The following ACAP2 variants were observed in gnomAD, a reference collection of about 807,000 sequenced individuals.
ACAP2 encodes ArfGAP with coiled-coil, ankyrin repeat and PH domains 2.
Under a neutral mutation model 115.8 loss-of-function variants are expected in ACAP2, and 39 were observed. The ratio of observed to expected loss-of-function variants is 0.34; its 90% CI spans 0.26 to 0.44. ACAP2 has a LOEUF of 0.44. Ranked by LOEUF, ACAP2 falls within the 20% of genes least tolerant of loss-of-function variation. The pLI is 1.00. For missense variants in ACAP2, 662 were observed against 927.6 expected, an observed-to-expected ratio of 0.71 and a Z score of 3.72; for synonymous variants, 289 against 315.8, an observed-to-expected ratio of 0.92 and a Z score of 0.90.
intron 4 of ACAP2, among the ~76,000 whole-genome samples, chr3:195,377,498 A>G (rs1240539335): frequency 2.0e-5 from 3 of 152,124 alleles, no homozygotes; most frequent in African/African-American, 7.2e-5. Context: ...CTAAAATGAG[A>G]GTTATGTAAC....
At position 195,337,344 on chromosome 3, in the gene ACAP2, A is replaced by T. The variant is rs1577321468; in HGVS notation, c.529-368T>A. On this transcript the variant is annotated intron_variant, in intron 6 of 22. Coordinates refer to ENST00000326793, the MANE Select transcript of ACAP2 (RefSeq NM_012287.6). Reference sequence around the variant, plus strand: ...TTCTCAGCACTTTACCACTACCACCATCATGTCTTTTCCAGACTGCTGCAA... The same window carrying T: ...TTCTCAGCACTTTACCACTACCACCTTCATGTCTTTTCCAGACTGCTGCAA... Among the ~76,000 whole-genome samples, 3 of 151,882 alleles carry T rather than the reference A, an allele frequency of 2.0e-5. No individual in the cohort carries two copies. In the South Asian group the frequency reaches 6.2e-4, roughly 32 times the overall value.
Position 195,325,994 on chromosome 3 carries a change from C to T in ACAP2, c.744+891G>A, listed in dbSNP as rs529029003. Among the ~76,000 whole-genome samples, 5 of 152,234 alleles carry T rather than the reference C, an allele frequency of 3.3e-5. No homozygotes were observed. The South Asian group carries it at 1.0e-3, about 32-fold the overall frequency. On this transcript the variant is annotated intron_variant, in intron 9 of 22. Transcript: ENST00000326793. ...TTTCCTTTAATTATTTTTCTTTGAG[C>T]ATTAATAATCCATCATCAATTAAAT...
chr3:195,415,983 A>G (rs967385536), intron 1 of ACAP2, among the ~76,000 whole-genome samples: 2 of 152,164 alleles, frequency 1.3e-5, no homozygotes, highest in African/African-American at 4.8e-5. Flanking sequence ...AGGCCAATAG[A>G]AAAATAAGAA....
At chr3:195,418,214 A>C (rs1342197628) in intron 1 of ACAP2, among the ~76,000 whole-genome samples, 2 of 152,162 alleles carry the variant, frequency 1.3e-5, no homozygotes, top group Non-Finnish European at 2.9e-5. Context: ...CCTTACCTTA[A>C]GAAGCTTTCC....
In ACAP2 at chr3:195,443,008, G is replaced by A. The variant is rs1387939155; in HGVS notation, c.-161C>T. On this transcript the variant is annotated 5_prime_UTR_variant, in exon 1 of 23. Transcript: ENST00000326793. ...TGGTCATAGCAGCCGCGAAGACGGC[G>A]ACGACTAGTCAGGCCCCAGTCCCGC... 4 of 569,464 alleles carry A rather than the reference G, an allele frequency of 7.0e-6. No individual in the cohort carries two copies. Among genetic ancestry groups the A allele is most frequent in the Non-Finnish European group, 1.2e-5 (4 of 345,944 alleles). The allele number at this position is 569,464 out of a possible 1,614,324, so 35.3% of individuals were successfully genotyped here.
intron 4 of ACAP2, among the ~76,000 whole-genome samples, chr3:195,375,425 A>C (rs1404602177): frequency 6.6e-6 from 1 of 151,096 alleles, no homozygotes; most frequent in African/African-American, 2.4e-5. Context: ...CTTGTGAAAC[A>C]CTGAAACTAC....
chr3:195,323,757 G>A (rs931987523), intron 9 of ACAP2, among the ~76,000 whole-genome samples: 7 of 152,050 alleles, frequency 4.6e-5, no homozygotes, highest in Non-Finnish European at 1.0e-4. Flanking sequence ...CCAGAGGCTG[G>A]GAGTGGTGGT....
rs562977182 is a variant in ACAP2, at chr3:195,293,744, G to A, written c.1765+975C>T. ...GTAACCCAGCTACTTGGGAGGCTGA[G>A]TAGGAGAACTGCGTGAACAGAAGGT... On this transcript the variant is annotated intron_variant, in intron 18 of 22. Transcript: ENST00000326793. Among the ~76,000 whole-genome samples the A allele has an allele frequency of 1.2e-4, 19 of 152,264 alleles. No individual in the cohort carries two copies. In the South Asian group the frequency reaches 3.3e-3, roughly 27 times the overall value.
intron 6 of ACAP2, among the ~76,000 whole-genome samples, chr3:195,341,425 C>T (rs1184812236): frequency 6.8e-6 from 1 of 146,704 alleles, no homozygotes; most frequent in Non-Finnish European, 1.5e-5. Context: ...CCTGGGTTCA[C>T]GCCATTCTCC....
chr3:195,344,001 G>C (rs887780430), intron 5 of ACAP2, among the ~76,000 whole-genome samples: 3 of 152,130 alleles, frequency 2.0e-5, no homozygotes, highest in Admixed American at 1.3e-4. Context: ...TTGAGGCCAG[G>C]AGTTTGAGAC....
At chr3:195,364,457 G>A (rs991704290) in intron 4 of ACAP2, among the ~76,000 whole-genome samples, 1 of 152,124 alleles carries the variant, frequency 6.6e-6, no homozygotes, top group African/African-American at 2.4e-5. Context: ...TGTAATCCCA[G>A]CACTTAGGGA....
At chr3:195,287,761 G>C (rs889091746) in intron 21 of ACAP2, among the ~76,000 whole-genome samples, 1 of 152,098 alleles carries the variant, frequency 6.6e-6, no homozygotes, top group Admixed American at 6.6e-5. Flanking sequence ...ATAATTATCT[G>C]TTAGTCTAAC....
At position 195,351,473 on chromosome 3, in the gene ACAP2, T is replaced by C. The variant is rs1017548937; in HGVS notation, c.286-6156A>G. ...GTGTGTGTGTGTGTGTGTGTGTGTG[T>C]GTGTGTGTGTGTGACGGAGTCTTGC... is the stretch of plus-strand genomic sequence containing the variant. On this transcript the variant is annotated intron_variant, in intron 4 of 22. Coordinates refer to ENST00000326793, the MANE Select transcript of ACAP2 (RefSeq NM_012287.6). Among the ~76,000 whole-genome samples the C allele has an allele frequency of 2.5e-4, 32 of 130,394 alleles. 1 individual carries two copies. In the East Asian group the frequency reaches 6.3e-3, roughly 26 times the overall value. The allele number at this position is 130,394 out of a possible 152,430, so 85.5% of individuals were successfully genotyped here.
intron 4 of ACAP2, among the ~76,000 whole-genome samples, chr3:195,360,088 T>C (rs1732250303): frequency 6.6e-6 from 1 of 152,086 alleles, no homozygotes; most frequent in African/African-American, 2.4e-5. Context: ...AAAGAGTGGC[T>C]GAATGGATAA....
intron 4 of ACAP2, among the ~76,000 whole-genome samples, chr3:195,377,995 T>G (rs1313301003): frequency 6.7e-6 from 1 of 148,582 alleles, no homozygotes; most frequent in Admixed American, 6.7e-5. Flanking sequence ...TAAAGCAACA[T>G]GAGTTTTAGA....
intron 19 of ACAP2, 131 bp from the exon 20 acceptor site, chr3:195,291,946 T>C (rs536900915): frequency 2.8e-6 from 2 of 723,870 alleles, no homozygotes; most frequent in Non-Finnish European, 2.1e-6. Flanking sequence ...AAACAAAAAA[T>C]ATCCCTCAGC....
intron 1 of ACAP2, among the ~76,000 whole-genome samples, chr3:195,440,313 C>T (rs1490560668): frequency 6.6e-6 from 1 of 152,172 alleles, no homozygotes; most frequent in Non-Finnish European, 1.5e-5. Context: ...GACAATGTTG[C>T]AAATGCAACA....
At chr3:195,317,535 T>C (rs1729176186) in intron 10 of ACAP2, among the ~76,000 whole-genome samples, 1 of 152,202 alleles carries the variant, frequency 6.6e-6, no homozygotes. Flanking sequence ...AGATAATCAC[T>C]GATACCCAGA....
intron 4 of ACAP2, among the ~76,000 whole-genome samples, chr3:195,346,771 T>C (rs570155016): frequency 3.3e-5 from 5 of 152,316 alleles, no homozygotes; most frequent in African/African-American, 1.2e-4. Flanking sequence ...AATACCCAAA[T>C]GTCTTTCAAC....
Sources: gnomAD v4.1 joint callset for allele counts (sites outside exome capture counted in the v4.1 genomes callset) on GRCh38, gnomAD v4.1.1 for gene constraint, MANE v1.5 for transcripts, NCBI Gene and HGNC (gene_info 2026-07-23, HGNC 2026-07-21) for gene names.